TENM4: variants seen among roughly 807,000 people sequenced by gnomAD.
TENM4 encodes the protein teneurin transmembrane protein 4.
Under a neutral mutation model 243.3 loss-of-function variants are expected in TENM4, and 82 were observed. That is an observed-to-expected ratio of 0.34 (90% CI 0.28 to 0.40). TENM4 has a LOEUF of 0.40. TENM4 is among the 10% of genes least tolerant of loss of function. The pLI is 1.00. For synonymous variants in TENM4, 1,412 were observed against 1,456.3 expected (o/e 0.97, Z 0.69); for missense variants, 3,138 against 3,673.3 (o/e 0.85, Z 3.77).
At chr11:78,730,741 C>T (rs968042350) in intron 21 of TENM4, among the ~76,000 whole-genome samples, 6 of 152,202 alleles carry the variant, frequency 3.9e-5, no homozygotes, top group African/African-American at 7.2e-5. Flanking sequence ...TTCTACCCTA[C>T]GTTTACAGTG....
intron 3 of TENM4, among the ~76,000 whole-genome samples, chr11:79,177,046 T>C (rs964193983): frequency 6.6e-6 from 1 of 152,158 alleles, no homozygotes; most frequent in African/African-American, 2.4e-5. Context: ...CTTCACAATA[T>C]GCAGACATGA....
In TENM4 at chr11:79,419,103, C is replaced by T. The variant is rs138513296; in HGVS notation, c.-321+21406G>A. The stretch of plus-strand genomic sequence containing the variant: ...GAAGCATAGGATTGACAGAAGCCCA[C>T]GAGGGCAGCTGAGCCATTTCCCTGC... On this transcript the variant is annotated intron_variant, in intron 1 of 33. Transcript: ENST00000278550. Among the ~76,000 whole-genome samples the T allele has an allele frequency of 2.4e-4, 37 of 152,290 alleles. No individual in the cohort carries two copies. In the East Asian group the frequency reaches 4.8e-3, roughly 20 times the overall value.
chr11:79,149,558 AC>A (rs966623641), intron 3 of TENM4, among the ~76,000 whole-genome samples: 4 of 151,878 alleles, frequency 2.6e-5, no homozygotes, highest in Non-Finnish European at 4.4e-5. Context: ...TTTTTAAAAA[AC>A]ATCTCATCTT....
chr11:79,238,549 AGGCCTTAGGGTTTG>A (rs1033883190), intron 2 of TENM4, among the ~76,000 whole-genome samples: 1 of 152,150 alleles, frequency 6.6e-6, no homozygotes, highest in Non-Finnish European at 1.5e-5. Context: ...CCTGGTTCTC[AGGCCTTAGGGTTTG>A]GGCCAGAACT....
chr11:78,656,079 C>G lies in TENM4; in HGVS notation c.*1979G>C, dbSNP rs553683402. 6.6e-6 allele frequency: 1 copy of G among 152,170 alleles called. No homozygotes were observed. The highest frequency in any genetic ancestry group is 2.4e-5 in the African/African-American group (1 of 41,428). 9.4% of individuals were successfully genotyped at this position (152,170 alleles called of 1,614,324 possible). ...ACATCCTCTAATCCCAGTGGGATGA[C>G]GTTAAGGCGAAATCTCCTCTCCCCA... On this transcript the variant is annotated 3_prime_UTR_variant, in exon 34 of 34. Transcript: ENST00000278550.
intron 15 of TENM4, among the ~76,000 whole-genome samples, chr11:78,794,006 G>A (rs1478612312): frequency 6.6e-6 from 1 of 152,174 alleles, no homozygotes; most frequent in African/African-American, 2.4e-5. Context: ...TGCTGACTGT[G>A]TTAAGCACTT....
chr11:79,375,058 T>C (rs1857865199), intron 1 of TENM4, among the ~76,000 whole-genome samples: 1 of 152,206 alleles, frequency 6.6e-6, no homozygotes, highest in Non-Finnish European at 1.5e-5. Context: ...ATTTTCTTTG[T>C]CCAGCCCATA....
intron 8 of TENM4, 98 bp downstream of exon 8, chr11:78,891,140 C>T (rs377328343): frequency 7.3e-5 from 81 of 1,115,558 alleles, no homozygotes; most frequent in East Asian, 6.8e-4. Context: ...TGGATCACCT[C>T]CCCCAGAAGA....
intron 6 of TENM4, among the ~76,000 whole-genome samples, chr11:78,960,404 G>A (rs1857293323): frequency 6.6e-6 from 1 of 152,178 alleles, no homozygotes; most frequent in South Asian, 2.1e-4. Context: ...GAAAAGGAGG[G>A]TAGGTAATGA....
At chr11:79,061,292 C>A (rs1285060551) in intron 6 of TENM4, among the ~76,000 whole-genome samples, 1 of 152,176 alleles carries the variant, frequency 6.6e-6, no homozygotes, top group Non-Finnish European at 1.5e-5. Flanking sequence ...AGCAAGTAGA[C>A]AGCCTTTGGG....
At chr11:79,182,917 T>C (rs907434784) in intron 3 of TENM4, among the ~76,000 whole-genome samples, 5 of 152,090 alleles carry the variant, frequency 3.3e-5, no homozygotes, top group Non-Finnish European at 7.4e-5. Flanking sequence ...CAAATGCTAG[T>C]GAGGATGTGG....
At chr11:79,413,150 T>C (rs781572405) in intron 1 of TENM4, among the ~76,000 whole-genome samples, 15 of 152,222 alleles carry the variant, frequency 9.9e-5, no homozygotes, top group Non-Finnish European at 2.1e-4. Flanking sequence ...AAAAATAGAA[T>C]GAGAATCAGA....
Position 79,165,324 on chromosome 11 carries a change from T to A in TENM4, c.-162-16518A>T, listed in dbSNP as rs1416858134. ...TATCTATTACTTTTTGATGTTTTGATTACGGACATTCTTGCAGGAGTGAGA... is the reference window on the plus strand; with the variant it reads ...TATCTATTACTTTTTGATGTTTTGAATACGGACATTCTTGCAGGAGTGAGA... On this transcript the variant is annotated intron_variant, in intron 3 of 33. Transcript: ENST00000278550. Among the ~76,000 whole-genome samples, 3 of 152,198 alleles carry A rather than the reference T, an allele frequency of 2.0e-5. No individual in the cohort carries two copies. The East Asian group carries it at 5.8e-4, about 29-fold the overall frequency.
intron 6 of TENM4, among the ~76,000 whole-genome samples, chr11:78,960,120 A>G (rs1857286351): frequency 1.3e-5 from 2 of 152,076 alleles, no homozygotes; most frequent in Admixed American, 6.5e-5. Flanking sequence ...GTGAGCCACA[A>G]AGCTGGGTCT....
chr11:79,273,547 A>G (rs1018652208), intron 2 of TENM4, among the ~76,000 whole-genome samples: 4 of 152,206 alleles, frequency 2.6e-5, no homozygotes, highest in Admixed American at 1.3e-4. Context: ...TCGCAAAGCA[A>G]TCTTATTTGG....
chr11:79,277,550 C>T (rs1216123721), intron 2 of TENM4, among the ~76,000 whole-genome samples: 1 of 152,110 alleles, frequency 6.6e-6, no homozygotes, highest in African/African-American at 2.4e-5. Context: ...TGTCATCAGG[C>T]CTGTTTGTTT....
Position 78,708,128 on chromosome 11 carries a change from G to A in TENM4, c.4209+233C>T, listed in dbSNP as rs1859301928. On this transcript the variant is annotated intron_variant, in intron 27 of 33. Coordinates refer to ENST00000278550, the MANE Select transcript of TENM4 (RefSeq NM_001098816.3). ...CTGCTGCTGCTGAGGTTTCCTTAGG[G>A]AGATTTCTTCACTGTCCCCTGGGCT... Among the ~76,000 whole-genome samples, 13 of 152,250 alleles carry A rather than the reference G, an allele frequency of 8.5e-5. No individual in the cohort carries two copies. The South Asian group carries it at 2.7e-3, about 32-fold the overall frequency.
chr11:79,024,333 A>G (rs540224762), intron 6 of TENM4, among the ~76,000 whole-genome samples: 1 of 152,302 alleles, frequency 6.6e-6, no homozygotes, highest in South Asian at 2.1e-4. Flanking sequence ...ACCCTGGTTT[A>G]CAGTTTGCTC....
chr11:79,182,969 T>C (rs1422923170), intron 3 of TENM4, among the ~76,000 whole-genome samples: 1 of 152,194 alleles, frequency 6.6e-6, no homozygotes, highest in Non-Finnish European at 1.5e-5. Flanking sequence ...GAATGCATAA[T>C]GGTACAGCTA....
Sources: gnomAD v4.1 joint callset for allele counts (sites outside exome capture counted in the v4.1 genomes callset) on GRCh38, gnomAD v4.1.1 for gene constraint, MANE v1.5 for transcripts, NCBI Gene and HGNC (gene_info 2026-07-23, HGNC 2026-07-21) for gene names.